HRH1: variants seen among roughly 807,000 people sequenced by gnomAD.
HRH1 encodes the protein histamine H1 receptor.
HRH1 carries 6 observed loss-of-function variants against 10.3 expected under a neutral mutation model. That is an observed-to-expected ratio of 0.58 (90% CI 0.32 to 1.15). HRH1 has a LOEUF of 1.15. Among genes scored for constraint, HRH1 ranks in the 50% most tolerant of loss-of-function variants. The pLI is 0.05. For missense variants in HRH1, 514 were observed against 615.3 expected, an observed-to-expected ratio of 0.84 and a Z score of 1.74; for synonymous variants, 242 against 236.7, an observed-to-expected ratio of 1.02 and a Z score of -0.21.
chr3:11,185,950 A>G (rs1009077134), intron 1 of HRH1, among the ~76,000 whole-genome samples: 1 of 152,112 alleles, frequency 6.6e-6, no homozygotes, highest in Non-Finnish European at 1.5e-5. Flanking sequence ...CCTCCCAGCA[A>G]TGGCATCACC....
chr3:11,239,716 T>C (rs1939284676), intron 1 of HRH1, among the ~76,000 whole-genome samples: 1 of 150,628 alleles, frequency 6.6e-6, no homozygotes, highest in Non-Finnish European at 1.5e-5. Flanking sequence ...TGTTCCAGCA[T>C]ATGAATTATT....
chr3:11,180,747 T>G lies in HRH1; in HGVS notation c.-36+26193T>G, dbSNP rs140278962. ...TGGTTTTTGTCACTTAGCATAATGT[T>G]TTTAAGGTTGATCTACACCGTAGCA... On this transcript the variant is annotated intron_variant, in intron 1 of 1. Transcript: ENST00000431010. Among the ~76,000 whole-genome samples the G allele has an allele frequency of 4.1e-3, 607 of 148,230 alleles. 6 individuals are homozygous for G. Among genetic ancestry groups the G allele is most frequent in the African/African-American group, 0.015 (588 of 40,152 alleles).
At chr3:11,186,020 A>G (rs1339441499) in intron 1 of HRH1, among the ~76,000 whole-genome samples, 1 of 151,860 alleles carries the variant, frequency 6.6e-6, no homozygotes, top group African/African-American at 2.4e-5. Flanking sequence ...CCCCTTCCAG[A>G]TTTCCTGCTC....
At chr3:11,231,176 G>T (rs777311551) in intron 1 of HRH1, among the ~76,000 whole-genome samples, 19 of 152,158 alleles carry the variant, frequency 1.2e-4, no homozygotes, top group Admixed American at 3.9e-4. Flanking sequence ...GAATAGGACT[G>T]GTGCATTTCT....
intron 1 of HRH1, among the ~76,000 whole-genome samples, chr3:11,180,540 G>A (rs1450210029): frequency 1.3e-5 from 2 of 152,250 alleles, no homozygotes; most frequent in Non-Finnish European, 1.5e-5. Flanking sequence ...TCTGCTGTGT[G>A]GCCCGGTTCC....
chr3:11,235,998 G>T (rs1254357557), intron 1 of HRH1, among the ~76,000 whole-genome samples: 1 of 152,106 alleles, frequency 6.6e-6, no homozygotes, highest in East Asian at 1.9e-4. Context: ...GTCGCTCATT[G>T]GGCCCCAATG....
At chr3:11,250,266 A>G (rs1296686574) in intron 1 of HRH1, among the ~76,000 whole-genome samples, 1 of 128,066 alleles carries the variant, frequency 7.8e-6, no homozygotes, top group Non-Finnish European at 1.6e-5. Flanking sequence ...TCACCATATT[A>G]GCCAGGATGG....
intron 1 of HRH1, among the ~76,000 whole-genome samples, chr3:11,220,841 A>T (rs144491058): frequency 4.8e-4 from 73 of 152,258 alleles, no homozygotes; most frequent in Non-Finnish European, 9.0e-4. Flanking sequence ...GCTGCATTTC[A>T]TGATTTTATG....
chr3:11,170,589 C>T (rs911316156), intron 1 of HRH1, among the ~76,000 whole-genome samples: 4 of 152,160 alleles, frequency 2.6e-5, no homozygotes, highest in African/African-American at 7.2e-5. Context: ...GACCGAGGCA[C>T]GGAGAGGGGA....
chr3:11,209,307 A>G (rs1308818088), intron 1 of HRH1, among the ~76,000 whole-genome samples: 2 of 152,060 alleles, frequency 1.3e-5, no homozygotes, highest in African/African-American at 4.8e-5. Flanking sequence ...GCCCAGGCTG[A>G]TCTTGAACTC....
rs115017370 is a variant in HRH1, at chr3:11,142,387, A to G, written c.-36+4988A>G. Among the ~76,000 whole-genome samples, 567 of 152,366 alleles carry G rather than the reference A, an allele frequency of 3.7e-3. 3 individuals are homozygous for G. The highest frequency in any genetic ancestry group is 8.3e-3 in the Admixed American group (127 of 15,306). ...TAGTTCATTCAATTACCATTCATTG[A>G]GGACCTACTCTGGGCCAGTTACTGC... On this transcript the variant is annotated intron_variant, in intron 1 of 1. Coordinates refer to the HRH1 transcript ENST00000438284.
At chr3:11,257,321 C>A (rs1202869410) in intron 1 of HRH1, among the ~76,000 whole-genome samples, 1 of 150,838 alleles carries the variant, frequency 6.6e-6, no homozygotes, top group African/African-American at 2.4e-5. Context: ...TTTGGGAGTC[C>A]AGCGTGGGTG....
chr3:11,165,603 G>A (rs1937015154), intron 1 of HRH1, among the ~76,000 whole-genome samples: 1 of 152,210 alleles, frequency 6.6e-6, no homozygotes. Context: ...GTTTGGAACT[G>A]ACATTGGGCC....
intron 1 of HRH1, among the ~76,000 whole-genome samples, chr3:11,237,367 G>A (rs542759355): frequency 6.6e-6 from 1 of 152,112 alleles, no homozygotes; most frequent in Non-Finnish European, 1.5e-5. Flanking sequence ...AGGATGGAGT[G>A]GGGGGAGTAT....
rs545583226 is a variant in HRH1 at position 11,219,563 on chromosome 3, A to G, written c.-35-39440A>G. Among the ~76,000 whole-genome samples, 8 of 152,150 alleles carry G rather than the reference A, an allele frequency of 5.3e-5. No individual in the cohort carries two copies. In the East Asian group the frequency reaches 1.5e-3, roughly 29 times the overall value. On this transcript the variant is annotated intron_variant, in intron 1 of 1. Coordinates refer to ENST00000431010, the MANE Select transcript of HRH1 (RefSeq NM_001098212.2). ...CCCCGTCTCTACTAAAAATACAAAAATTAGCTGGGAATGGTGGTGTGTGCC... is the reference window on the plus strand; with the variant it reads ...CCCCGTCTCTACTAAAAATACAAAAGTTAGCTGGGAATGGTGGTGTGTGCC...
intron 1 of HRH1, among the ~76,000 whole-genome samples, chr3:11,155,258 T>A (rs541724456): frequency 2.0e-5 from 3 of 152,152 alleles, no homozygotes; most frequent in Non-Finnish European, 4.4e-5. Context: ...TCCTCCTCGT[T>A]GTACCGAGAG....
In HRH1 at chr3:11,167,539, A is replaced by G. The variant is rs144323639; in HGVS notation, c.-36+12985A>G. ...CCCCTGCATTCTCCAGGCCCGTGAC[A>G]TCTGCTGTCCCCTGGCTTCTCCAGG... On this transcript the variant is annotated intron_variant, in intron 1 of 1. Coordinates refer to ENST00000431010, the MANE Select transcript of HRH1 (RefSeq NM_001098212.2). Among the ~76,000 whole-genome samples, 940 of 152,214 alleles carry G rather than the reference A, an allele frequency of 6.2e-3. 9 individuals carry two copies. Among genetic ancestry groups the G allele is most frequent in the African/African-American group, 0.021 (866 of 41,472 alleles).
intron 1 of HRH1, among the ~76,000 whole-genome samples, chr3:11,219,627 C>T (rs1163447755): frequency 2.0e-5 from 3 of 147,306 alleles, no homozygotes; most frequent in Non-Finnish European, 3.0e-5. Context: ...GCAGGAGAAT[C>T]GCTTGGACCC....
intron 1 of HRH1, among the ~76,000 whole-genome samples, chr3:11,249,553 A>G (rs1939583549): frequency 6.6e-6 from 1 of 152,196 alleles, no homozygotes. Context: ...AAGGAAGGGT[A>G]AGAACCTTGG....
Sources: gnomAD v4.1 joint callset for allele counts (sites outside exome capture counted in the v4.1 genomes callset) on GRCh38, gnomAD v4.1.1 for gene constraint, MANE v1.5 for transcripts, NCBI Gene and HGNC (gene_info 2026-07-23, HGNC 2026-07-21) for gene names.